The following SLC2A12 variants were observed in gnomAD, a reference collection of about 807,000 sequenced individuals.
SLC2A12 encodes the protein solute carrier family 2, facilitated glucose transporter member 12.
Under a neutral mutation model 41.8 loss-of-function variants are expected in SLC2A12, and 23 were observed. That is an observed-to-expected ratio of 0.55 (90% CI 0.40 to 0.78). SLC2A12 has a LOEUF of 0.78. SLC2A12 is among the 30% of genes least tolerant of loss of function. The pLI is 0.00. For missense variants in SLC2A12, 654 were observed against 745.6 expected (o/e 0.88, Z 1.43); for synonymous variants, 295 against 285.9 (o/e 1.03, Z -0.32).
intron 1 of SLC2A12, among the ~76,000 whole-genome samples, chr6:134,039,999 T>A (rs9389134): frequency 0.074 from 11,265 of 152,038 alleles, 962 homozygotes; most frequent in African/African-American, 0.2. Flanking sequence ...TGCAGAATGG[T>A]AAGCCAGTAA....
At chr6:134,024,269 A>G (rs1269864758) in intron 2 of SLC2A12, among the ~76,000 whole-genome samples, 2 of 152,180 alleles carry the variant, frequency 1.3e-5, no homozygotes, top group Non-Finnish European at 2.9e-5. Context: ...TACCGGATTC[A>G]GTGAGTCGTC....
chr6:134,045,212 A>C (rs1777441927), intron 1 of SLC2A12, among the ~76,000 whole-genome samples: 4 of 152,256 alleles, frequency 2.6e-5, no homozygotes, highest in Admixed American at 2.0e-4. Flanking sequence ...GTTACATAAA[A>C]AGTTAGGGAA....
rs545564709 is a variant in SLC2A12 at position 134,028,460 on chromosome 6, G to A, written c.1365C>T (p.Asp455=). The stretch of plus-strand genomic sequence containing the variant: ...ACAGCCATTTCAAAAAAGCTGGGAC[G>A]TCCCCAGGGTCTGTGACTATCTGGT... ...TEYQIVTDPG[D]VPAFLKWLSL... Residue 455 remains aspartate, a synonymous_variant, in exon 2 of 5, where the codon GAC becomes GAT. Transcript: ENST00000275230. 60 of 1,614,140 alleles carry A rather than the reference G, an allele frequency of 3.7e-5. No individual in the cohort carries two copies. The highest frequency in any genetic ancestry group is 1.3e-4 in the East Asian group (6 of 44,892).
At chr6:133,996,307 G>T (rs1456611352) in intron 4 of SLC2A12, among the ~76,000 whole-genome samples, 3 of 152,320 alleles carry the variant, frequency 2.0e-5, no homozygotes, top group East Asian at 3.9e-4. Flanking sequence ...AAGCTGGGGG[G>T]AAAAGTAAAT....
intron 2 of SLC2A12, among the ~76,000 whole-genome samples, chr6:134,026,035 G>A (rs563395735): frequency 6.6e-6 from 1 of 152,302 alleles, no homozygotes; most frequent in East Asian, 1.9e-4. Context: ...GTTGGTTCAG[G>A]AGGCCTAAGA....
At chr6:134,043,005 A>AAC (rs1456073875) in intron 1 of SLC2A12, among the ~76,000 whole-genome samples, 8 of 151,140 alleles carry the variant, frequency 5.3e-5, no homozygotes, top group African/African-American at 1.5e-4. Flanking sequence ...ACAAAAACCA[A>AAC]ACACACACAC....
rs1380525438 is a variant in SLC2A12 at position 134,029,479 on chromosome 6, G to A, written c.346C>T (p.Leu116=). 6.2e-7 allele frequency: 1 copy of A among 1,614,166 alleles called. No homozygotes were observed. Among genetic ancestry groups the A allele is most frequent in the South Asian group, 1.1e-5 (1 of 91,088 alleles). Residue 116 remains leucine (L), a synonymous_variant, in exon 2 of 5, where the codon CTG becomes TTG. Transcript: ENST00000275230. ...AAGACTAAGCTTCCGAGTCCAAGCAGGCAGGATGACAAGATGATTGCTGTC... is the reference window on the plus strand; with the variant it reads ...AAGACTAAGCTTCCGAGTCCAAGCAAGCAGGATGACAAGATGATTGCTGTC... ...RRTAIILSSC[L]LGLGSLVLIL...
intron 2 of SLC2A12, among the ~76,000 whole-genome samples, chr6:134,025,524 A>G (rs1446640061): frequency 6.6e-6 from 1 of 152,204 alleles, no homozygotes; most frequent in Non-Finnish European, 1.5e-5. Context: ...TTATTGAAAG[A>G]CAACCAGCCG....
intron 1 of SLC2A12, among the ~76,000 whole-genome samples, chr6:134,048,714 CTTAA>C (rs1224646582): frequency 3.4e-4 from 52 of 152,166 alleles, no homozygotes; most frequent in African/African-American, 1.2e-3. Context: ...GGTTTTGATG[CTTAA>C]TTGTTTTTAA....
chr6:134,032,808 T>A (rs1173977098), intron 1 of SLC2A12, among the ~76,000 whole-genome samples: 1 of 113,850 alleles, frequency 8.8e-6, no homozygotes, highest in East Asian at 2.2e-4. Flanking sequence ...ATATATAATT[T>A]ATATCTATAT....
intron 2 of SLC2A12, among the ~76,000 whole-genome samples, chr6:134,017,653 C>G (rs943770974): frequency 6.6e-6 from 1 of 151,966 alleles, no homozygotes; most frequent in African/African-American, 2.4e-5. Context: ...GAGATCGAGA[C>G]CACCTTGGCG....
intron 3 of SLC2A12, among the ~76,000 whole-genome samples, chr6:134,005,487 A>G (rs1776800418): frequency 2.0e-5 from 3 of 151,352 alleles, no homozygotes; most frequent in Non-Finnish European, 4.4e-5. Flanking sequence ...GTGAAACCCC[A>G]TCTCTACTAA....
chr6:134,022,518 T>G (rs1777054025), intron 2 of SLC2A12, among the ~76,000 whole-genome samples: 1 of 143,482 alleles, frequency 7.0e-6, no homozygotes, highest in South Asian at 2.2e-4. Flanking sequence ...GTGACAAGAG[T>G]GAAACTCCAT....
intron 2 of SLC2A12, among the ~76,000 whole-genome samples, chr6:134,019,462 G>A (rs1777012127): frequency 6.6e-6 from 1 of 152,198 alleles, no homozygotes; most frequent in African/African-American, 2.4e-5. Flanking sequence ...GTTATTAAAG[G>A]GAGCTGAAGT....
At chr6:134,026,527 GT>G (rs1251552547) in intron 2 of SLC2A12, among the ~76,000 whole-genome samples, 1 of 152,226 alleles carries the variant, frequency 6.6e-6, no homozygotes, top group Non-Finnish European at 1.5e-5. Context: ...AAGTGTCATA[GT>G]AGCCATATGA....
intron 1 of SLC2A12, among the ~76,000 whole-genome samples, chr6:134,031,434 AC>A (rs1036659989): frequency 2.0e-5 from 3 of 151,642 alleles, no homozygotes; most frequent in Non-Finnish European, 2.9e-5. Context: ...AACAAAAAAA[AC>A]ATTACACTTG....
chr6:134,032,787 A>G (rs1408331588), intron 1 of SLC2A12, among the ~76,000 whole-genome samples: 1 of 91,004 alleles, frequency 1.1e-5, no homozygotes, highest in African/African-American at 5.4e-5. Flanking sequence ...TGCTATATAT[A>G]TATATTATAT....
rs79046931 is a variant in SLC2A12, at chr6:134,003,582, C to T, written c.1568-1453G>A. ...AGGACACACAGTGAATCAGCTCTCCCCACCCCTTCTCCGTGACAGCCATTC... is the reference window on the plus strand; with the variant it reads ...AGGACACACAGTGAATCAGCTCTCCTCACCCCTTCTCCGTGACAGCCATTC... On this transcript the variant is annotated intron_variant, in intron 3 of 4. Transcript: ENST00000275230. Among the ~76,000 whole-genome samples, 970 of 152,238 alleles carry T rather than the reference C, an allele frequency of 6.4e-3. 12 individuals are homozygous for T. Among genetic ancestry groups the T allele is most frequent in the African/African-American group, 0.022 (924 of 41,554 alleles).
intron 1 of SLC2A12, among the ~76,000 whole-genome samples, chr6:134,031,075 T>C (rs1394153524): frequency 6.6e-6 from 1 of 152,128 alleles, no homozygotes; most frequent in East Asian, 1.9e-4. Context: ...GATTCAAGAC[T>C]TATTTTGGAG....
Sources: gnomAD v4.1 joint callset for allele counts (sites outside exome capture counted in the v4.1 genomes callset) on GRCh38, gnomAD v4.1.1 for gene constraint, MANE v1.5 for transcripts, NCBI Gene and HGNC (gene_info 2026-07-23, HGNC 2026-07-21) for gene names.